The following SERINC5 variants were observed in gnomAD, a reference collection of about 807,000 sequenced individuals.
SERINC5 encodes serine incorporator 5.
Under a neutral mutation model 63.1 loss-of-function variants are expected in SERINC5, and 41 were observed. The ratio of observed to expected loss-of-function variants is 0.65; its 90% CI spans 0.51 to 0.84. The LOEUF is 0.84. SERINC5 is among the 40% of genes least tolerant of loss of function. The pLI is 0.00. For synonymous variants in SERINC5, 222 were observed against 215.2 expected (o/e 1.03, Z -0.28); for missense variants, 523 against 573.0 (o/e 0.91, Z 0.89).
intron 1 of SERINC5, among the ~76,000 whole-genome samples, chr5:80,248,713 TAAG>T (rs549050974): frequency 4.6e-5 from 7 of 152,224 alleles, no homozygotes; most frequent in South Asian, 2.1e-4. Context: ...GTGCTAGTGA[TAAG>T]AAACACAGGC....
At chr5:80,190,052 G>A (rs1202534885) in intron 2 of SERINC5, among the ~76,000 whole-genome samples, 5 of 150,618 alleles carry the variant, frequency 3.3e-5, no homozygotes, top group Admixed American at 6.6e-5. Context: ...GGACCTGAAC[G>A]CAGTGGTAAT....
chr5:80,177,021 G>A (rs146856006), intron 4 of SERINC5, among the ~76,000 whole-genome samples: 20 of 152,264 alleles, frequency 1.3e-4, no homozygotes, highest in African/African-American at 4.1e-4. Context: ...ACAGCCCTGC[G>A]CTCCCTGTTG....
At chr5:80,195,494 G>A (rs1024180920) in intron 2 of SERINC5, among the ~76,000 whole-genome samples, 3 of 151,932 alleles carry the variant, frequency 2.0e-5, no homozygotes, top group Admixed American at 6.6e-5. Context: ...CTATACATAC[G>A]AGCTGCAGCC....
intron 6 of SERINC5, 78 bp from the exon 7 acceptor site, chr5:80,166,556 C>T (rs2112374343): frequency 1.2e-6 from 1 of 858,984 alleles, no homozygotes; most frequent in Non-Finnish European, 1.9e-6. Context: ...CCTGATAGTC[C>T]CCATGACAGT....
intron 12 of SERINC5, among the ~76,000 whole-genome samples, chr5:80,112,561 A>G (rs1744158102): frequency 2.0e-5 from 3 of 152,004 alleles, no homozygotes; most frequent in African/African-American, 7.3e-5. Flanking sequence ...TTCTTTCTCT[A>G]TACTTTGTCT....
intron 8 of SERINC5, among the ~76,000 whole-genome samples, chr5:80,152,342 A>T (rs1024931927): frequency 6.6e-6 from 1 of 152,106 alleles, no homozygotes; most frequent in Non-Finnish European, 1.5e-5. Flanking sequence ...CGCTACAAAA[A>T]ATACAAAAAT....
chr5:80,207,235 T>C (rs1750217034), intron 1 of SERINC5, among the ~76,000 whole-genome samples: 1 of 152,180 alleles, frequency 6.6e-6, no homozygotes, highest in Admixed American at 6.5e-5. Flanking sequence ...CCTGACCTTG[T>C]AATCCGCCGT....
Position 80,169,413 on chromosome 5 carries a change from T to G in SERINC5, c.685A>C (p.Asn229His). ...FYTQKDSCMENKILLGVNGGL... is the reference protein window; with the variant it reads ...FYTQKDSCMEHKILLGVNGGL... The stretch of plus-strand genomic sequence containing the variant: ...CCATTTACTCCCAGCAGAATTTTGT[T>G]TTCCATGCAGCTGTCTTTCTGTGTA... The change falls in exon 6 of 12, where the codon AAC becomes CAC. Residue 229 changes from asparagine (N) to histidine (H), a missense_variant. Asn to His is a moderately conservative substitution (Grantham distance 68, BLOSUM62 1). Transcript: ENST00000507668. 1 of 1,613,992 alleles carries G rather than the reference T, an allele frequency of 6.2e-7. No individual in the cohort carries two copies. Among genetic ancestry groups the G allele is most frequent in the South Asian group, 1.1e-5 (1 of 91,080 alleles).
At chr5:80,210,174 T>C (rs565726529) in intron 1 of SERINC5, among the ~76,000 whole-genome samples, 13 of 152,288 alleles carry the variant, frequency 8.5e-5, no homozygotes, top group Admixed American at 3.9e-4. Context: ...CCCGCAAACA[T>C]ACTGCAAAGG....
chr5:80,144,887 A>G (rs181565774), intron 11 of SERINC5, among the ~76,000 whole-genome samples: 1 of 152,254 alleles, frequency 6.6e-6, no homozygotes, highest in East Asian at 1.9e-4. Flanking sequence ...GTCTAAGCTT[A>G]ACTTAGTGGT....
At chr5:80,203,093 C>A in intron 1 of SERINC5, 40 bp from the exon 2 acceptor site, 1 of 1,539,830 alleles carries the variant, frequency 6.5e-7, no homozygotes, top group South Asian at 1.2e-5. Flanking sequence ...GAGCATGATA[C>A]TGTGATAGAA....
intron 2 of SERINC5, among the ~76,000 whole-genome samples, chr5:80,182,635 T>C (rs865902171): frequency 4.2e-4 from 61 of 146,578 alleles, no homozygotes; most frequent in African/African-American, 1.4e-3. Context: ...AACCTCTGCC[T>C]CCCAGGTTCA....
chr5:80,149,303 T>G (rs1183570687), intron 9 of SERINC5, among the ~76,000 whole-genome samples: 3 of 152,186 alleles, frequency 2.0e-5, no homozygotes, highest in African/African-American at 7.2e-5. Flanking sequence ...GACCATTCTC[T>G]TCTCTATAAT....
intron 11 of SERINC5, among the ~76,000 whole-genome samples, chr5:80,125,800 AC>A (rs1744726031): frequency 6.6e-6 from 1 of 152,194 alleles, no homozygotes; most frequent in Non-Finnish European, 1.5e-5. Context: ...AAACGTCATC[AC>A]CTGGGTCAAG....
chr5:80,216,143 G>A (rs1750651297), intron 1 of SERINC5, among the ~76,000 whole-genome samples: 1 of 152,146 alleles, frequency 6.6e-6, no homozygotes, highest in Non-Finnish European at 1.5e-5. Flanking sequence ...TTCCTCAGGG[G>A]CAGGTCCTTC....
chr5:80,129,036 C>T (rs895273338), intron 11 of SERINC5: 1 of 152,180 alleles, frequency 6.6e-6, no homozygotes, highest in African/African-American at 2.4e-5. Flanking sequence ...TCCAGAAAGA[C>T]ACTGATTGTC....
At chr5:80,212,199 A>G (rs1002606227) in intron 1 of SERINC5, among the ~76,000 whole-genome samples, 3 of 152,234 alleles carry the variant, frequency 2.0e-5, no homozygotes, top group Admixed American at 1.3e-4. Flanking sequence ...CTGTTCCTTA[A>G]TAAACGGCAG....
intron 1 of SERINC5, among the ~76,000 whole-genome samples, chr5:80,255,528 G>C (rs922718854): frequency 6.6e-6 from 1 of 152,130 alleles, no homozygotes; most frequent in Non-Finnish European, 1.5e-5. Context: ...GGATTCATCC[G>C]ACAAGCAGAG....
intron 6 of SERINC5, 195 bp from the exon 7 acceptor site, chr5:80,166,673 A>C (rs1747323545): frequency 2.2e-6 from 1 of 461,154 alleles, no homozygotes; most frequent in Non-Finnish European, 4.0e-6. Flanking sequence ...TTACACGCTG[A>C]ACTGAACATT....
Sources: gnomAD v4.1 joint callset for allele counts (sites outside exome capture counted in the v4.1 genomes callset) on GRCh38, gnomAD v4.1.1 for gene constraint, MANE v1.5 for transcripts, NCBI Gene and HGNC (gene_info 2026-07-23, HGNC 2026-07-21) for gene names.